Variants in ANK2 observed in about 807,000 individuals in gnomAD.
The protein encoded by ANK2 is ankyrin-2.
A neutral mutation model predicts 360.5 loss-of-function variants in ANK2; 83 were observed. The observed-to-expected ratio is 0.23, with a 90% CI of 0.19 to 0.28. The LOEUF (loss-of-function observed/expected upper bound fraction) is 0.28, where lower values mean the gene tolerates loss of function less well. Among genes scored for constraint, ANK2 ranks in the 10% least tolerant of loss-of-function variants. The pLI is 1.00. For synonymous variants in ANK2, 1,740 were observed against 1,759.5 expected, an observed-to-expected ratio of 0.99 and a Z score of 0.28; for missense variants, 4,201 against 4,795.7, an observed-to-expected ratio of 0.88 and a Z score of 3.66.
intron 1 of ANK2, among the ~76,000 whole-genome samples, chr4:113,147,102 G>GA (rs915766026): frequency 1.3e-5 from 2 of 152,152 alleles, no homozygotes; most frequent in Non-Finnish European, 2.9e-5. Context: ...AGTTGGCAGT[G>GA]AACAGAAAGC....
the ANK2 span, among the ~76,000 whole-genome samples, chr4:112,759,103 A>C: frequency 6.6e-6 from 1 of 152,066 alleles, no homozygotes; most frequent in African/African-American, 2.4e-5. Flanking sequence ...AAAAAATACT[A>C]TGGATTAGGT....
the ANK2 span, among the ~76,000 whole-genome samples, chr4:112,712,572 TA>T: frequency 6.6e-6 from 1 of 151,452 alleles, no homozygotes; most frequent in Non-Finnish European, 1.5e-5. Flanking sequence ...CATGCCCAGC[TA>T]ATTTTTTGTA....
chr4:113,184,669 T>A (rs1333132045), intron 2 of ANK2, among the ~76,000 whole-genome samples: 1 of 152,092 alleles, frequency 6.6e-6, no homozygotes, highest in Non-Finnish European at 1.5e-5. Context: ...TGCCAACTGA[T>A]GTTCTCATAT....
chr4:113,148,851 G>A (rs35725802), intron 1 of ANK2, among the ~76,000 whole-genome samples: 33,088 of 152,042 alleles, frequency 0.22, 3,786 homozygotes, highest in South Asian at 0.28. Flanking sequence ...AGAAGAGGAC[G>A]GATGGCAATG....
At chr4:112,885,138 TCTTCA>T (rs2077885984) in intron 1 of ANK2, among the ~76,000 whole-genome samples, 1 of 152,188 alleles carries the variant, frequency 6.6e-6, no homozygotes, top group Non-Finnish European at 1.5e-5. Context: ...TTTTTCTCTG[TCTTCA>T]CTTAATCTTT....
In ANK2 at chr4:113,236,532, C is replaced by T. The variant is rs553581915; in HGVS notation, c.484-455C>T. Reference sequence around the variant, plus strand: ...CATCCCCAGGGGCTGTTTTCCCTAACCATTCAGATATATTTAATAACCTGC... The same window carrying T: ...CATCCCCAGGGGCTGTTTTCCCTAATCATTCAGATATATTTAATAACCTGC... On this transcript the variant is annotated intron_variant, in intron 5 of 45. Coordinates refer to ENST00000357077, the MANE Select transcript of ANK2 (RefSeq NM_001148.6). Among the ~76,000 whole-genome samples the T allele has an allele frequency of 8.5e-5, 13 of 152,272 alleles. No homozygotes were observed. The South Asian group carries it at 2.7e-3, about 32-fold the overall frequency.
chr4:112,829,512 G>GAAAAAAAAAAAAAAAAAA (rs2059235718), intron 1 of ANK2, among the ~76,000 whole-genome samples: 1 of 78,738 alleles, frequency 1.3e-5, no homozygotes, highest in Non-Finnish European at 2.4e-5. Flanking sequence ...AAAAAAAAAG[G>GAAAAAAAAAAAAAAAAAA]AAGGGCAAAG....
At chr4:113,172,068 T>C (rs1357152835) in intron 1 of ANK2, among the ~76,000 whole-genome samples, 1 of 152,250 alleles carries the variant, frequency 6.6e-6, no homozygotes, top group Non-Finnish European at 1.5e-5. Flanking sequence ...AATTGGCTTC[T>C]TAATGCAAAG....
intron 1 of ANK2, among the ~76,000 whole-genome samples, chr4:113,148,569 G>T (rs1433159097): frequency 6.6e-6 from 1 of 152,118 alleles, no homozygotes; most frequent in Non-Finnish European, 1.5e-5. Context: ...TAGACCATGA[G>T]CATGAATTCT....
In ANK2 at chr4:112,837,815, A is replaced by G. The variant is rs555456343; in HGVS notation, c.-40+19551A>G. ...CATTTGGAATGGGAACATTTACCCA[A>G]TGCCTGTACCTCATTGTATCTTGGA... is the stretch of plus-strand genomic sequence containing the variant. On this transcript the variant is annotated intron_variant, in intron 1 of 30. Coordinates refer to the ANK2 transcript ENST00000503271. Among the ~76,000 whole-genome samples the G allele has an allele frequency of 3.9e-5, 6 of 152,358 alleles. No homozygotes were observed. In the South Asian group the frequency reaches 1.2e-3, roughly 32 times the overall value.
At position 113,105,377 on chromosome 4, in the gene ANK2, C is replaced by T. The variant is rs375555090; in HGVS notation, c.84+55565C>T. Among the ~76,000 whole-genome samples the T allele has an allele frequency of 2.6e-5, 4 of 151,970 alleles. No individual in the cohort carries two copies. In the East Asian group the frequency reaches 5.8e-4, roughly 22 times the overall value. Reference sequence around the variant, plus strand: ...TGAAGAGACTGTGGACCAGGCAAGACCTTATCAGTTGATTTAGGAAGCAGC... The same window carrying T: ...TGAAGAGACTGTGGACCAGGCAAGATCTTATCAGTTGATTTAGGAAGCAGC... On this transcript the variant is annotated intron_variant, in intron 1 of 45. Transcript: ENST00000357077.
chr4:112,861,839 CAGAGAG>C (rs141841376), intron 1 of ANK2, among the ~76,000 whole-genome samples: 12 of 140,506 alleles, frequency 8.5e-5, no homozygotes, highest in Non-Finnish European at 1.2e-4. Flanking sequence ...TACATAGAGA[CAGAGAG>C]AGAGAGAGAG....
At chr4:113,029,423 T>A (rs2059940058) in intron 2 of ANK2, among the ~76,000 whole-genome samples, 1 of 152,090 alleles carries the variant, frequency 6.6e-6, no homozygotes, top group Non-Finnish European at 1.5e-5. Flanking sequence ...TTATTTATTT[T>A]TTGTAGAGAT....
At chr4:113,073,087 A>C (rs531246406) in intron 1 of ANK2, among the ~76,000 whole-genome samples, 6 of 145,852 alleles carry the variant, frequency 4.1e-5, no homozygotes, top group African/African-American at 1.5e-4. Flanking sequence ...TCAGCTTCCC[A>C]AGTAGCTGGG....
In ANK2 at chr4:113,206,036, G is replaced by T. The variant is rs535698903; in HGVS notation, c.384+6927G>T. On this transcript the variant is annotated intron_variant, in intron 4 of 45. Coordinates refer to ENST00000357077, the MANE Select transcript of ANK2 (RefSeq NM_001148.6). ...TTTTTTAAACAGGTTTTATTTTCAG[G>T]GTTTTCCCCCAAAATATATGCATAT... Among the ~76,000 whole-genome samples the T allele has an allele frequency of 1.3e-4, 20 of 151,566 alleles. No homozygotes were observed. In the East Asian group the frequency reaches 2.1e-3, roughly 16 times the overall value.
the ANK2 span, chr4:112,788,412 C>T: frequency 1.3e-6 from 2 of 1,594,358 alleles, no homozygotes; most frequent in East Asian, 2.2e-5. Flanking sequence ...ACGTCGGGTG[C>T]AATCACCACC....
At chr4:112,889,160 C>T (rs893055318) in intron 1 of ANK2, among the ~76,000 whole-genome samples, 2 of 151,420 alleles carry the variant, frequency 1.3e-5, no homozygotes, top group Non-Finnish European at 2.9e-5. Context: ...GTTTGTTAAG[C>T]TTGTTTAGTA....
intron 4 of ANK2, among the ~76,000 whole-genome samples, chr4:113,211,533 G>GCA (rs1360048992): frequency 1.3e-5 from 2 of 152,156 alleles, no homozygotes; most frequent in Non-Finnish European, 2.9e-5. Context: ...ATAAAATGTA[G>GCA]ATAGTGTTTT....
At chr4:112,878,360 C>G (rs2075747447) in intron 1 of ANK2, among the ~76,000 whole-genome samples, 1 of 151,998 alleles carries the variant, frequency 6.6e-6, no homozygotes, top group Non-Finnish European at 1.5e-5. Flanking sequence ...GAGTTTTGCT[C>G]TTGTTGCCCA....
Sources: gnomAD v4.1 joint callset for allele counts (sites outside exome capture counted in the v4.1 genomes callset) on GRCh38, gnomAD v4.1.1 for gene constraint, MANE v1.5 for transcripts, NCBI Gene and HGNC (gene_info 2026-07-23, HGNC 2026-07-21) for gene names.